The following MCPH1 variants were observed in gnomAD, a reference collection of about 807,000 sequenced individuals.
MCPH1 encodes microcephalin 1.
Under a neutral mutation model 84.5 loss-of-function variants are expected in MCPH1, and 104 were observed. The observed-to-expected ratio is 1.23, with a 90% CI of 1.05 to 1.45. The LOEUF (loss-of-function observed/expected upper bound fraction) is 1.45, where lower values mean the gene tolerates loss of function less well. Ranked by LOEUF, MCPH1 falls within the 40% of genes most tolerant of loss-of-function variation. The pLI, the probability that MCPH1 is intolerant of heterozygous loss-of-function variation, is 0.00. For missense variants in MCPH1, 1,498 were observed against 1,005.7 expected, an observed-to-expected ratio of 1.49 and a Z score of -6.62; for synonymous variants, 514 against 366.8, an observed-to-expected ratio of 1.40 and a Z score of -4.58.
At chr8:6,513,700 A>G in intron 12 of MCPH1, 1 of 1,611,734 alleles carries the variant, frequency 6.2e-7, no homozygotes, top group Non-Finnish European at 8.5e-7. Flanking sequence ...TCTTCACTTG[A>G]GAGATAGAAA....
intron 12 of MCPH1, among the ~76,000 whole-genome samples, chr8:6,506,989 C>A (rs572291577): frequency 3.3e-4 from 50 of 151,980 alleles, no homozygotes; most frequent in South Asian, 8.3e-4. Flanking sequence ...ACTCTGTCTC[C>A]CCGGTTCAAG....
intron 12 of MCPH1, among the ~76,000 whole-genome samples, chr8:6,533,820 C>T (rs1819995483): frequency 1.3e-5 from 2 of 152,064 alleles, no homozygotes; most frequent in South Asian, 4.2e-4. Context: ...TGATTTCCCC[C>T]AAAATGTTAA....
intron 3 of MCPH1, among the ~76,000 whole-genome samples, chr8:6,430,811 A>G (rs1025641099): frequency 2.6e-5 from 4 of 152,252 alleles, no homozygotes; most frequent in African/African-American, 9.6e-5. Flanking sequence ...TTAATATTTC[A>G]GGAATGTATG....
chr8:6,487,231 T>C (rs34748476), intron 11 of MCPH1, among the ~76,000 whole-genome samples: 18,491 of 152,298 alleles, frequency 0.12, 1,283 homozygotes, highest in Middle Eastern at 0.24. Context: ...GATAATCTAG[T>C]GTTTTCTTAA....
At chr8:6,475,064 T>A (rs1037912018) in intron 9 of MCPH1, among the ~76,000 whole-genome samples, 4 of 152,218 alleles carry the variant, frequency 2.6e-5, no homozygotes, top group Non-Finnish European at 5.9e-5. Flanking sequence ...AGATTCAATT[T>A]ATAGGTGTCT....
At chr8:6,477,657 C>T (rs1808658238) in intron 10 of MCPH1, 26 bp downstream of exon 10, 4 of 1,600,928 alleles carry the variant, frequency 2.5e-6, no homozygotes. Context: ...GATTTCTGTT[C>T]AATGTAAAAT....
chr8:6,523,801 C>G (rs921122789), intron 12 of MCPH1, among the ~76,000 whole-genome samples: 1 of 151,648 alleles, frequency 6.6e-6, no homozygotes, highest in African/African-American at 2.4e-5. Flanking sequence ...GTTGTCCAGG[C>G]TGGTCTCGAA....
At chr8:6,452,080 T>G (rs2129556508) in intron 8 of MCPH1, among the ~76,000 whole-genome samples, 1 of 152,338 alleles carries the variant, frequency 6.6e-6, no homozygotes, top group Middle Eastern at 3.4e-3. Flanking sequence ...TCTCCTACAG[T>G]CTTTTCATCG....
In MCPH1 at chr8:6,543,412, A is replaced by T. The variant is rs537600479; in HGVS notation, c.2214+43483A>T. On this transcript the variant is annotated intron_variant, in intron 12 of 13. Transcript: ENST00000344683. ...TCTCTGTGCTTTCCTGGGTTAGAGT[A>T]AATGGATGCAAACACACATTTCCGT... Among the ~76,000 whole-genome samples the T allele has an allele frequency of 4.6e-5, 7 of 152,284 alleles. No individual in the cohort carries two copies. The South Asian group carries it at 1.5e-3, about 32-fold the overall frequency.
At chr8:6,527,611 C>A (rs1278867459) in intron 12 of MCPH1, 10 of 1,613,720 alleles carry the variant, frequency 6.2e-6, no homozygotes, top group Non-Finnish European at 8.5e-6. Flanking sequence ...TCTGTTTTTC[C>A]AATTTGTTTG....
At chr8:6,593,663 T>C (rs186881571) in intron 12 of MCPH1, among the ~76,000 whole-genome samples, 123 of 152,292 alleles carry the variant, frequency 8.1e-4, no homozygotes, top group African/African-American at 2.7e-3. Flanking sequence ...CCAGACACCA[T>C]GTTTTTATGG....
At chr8:6,632,232 G>A in intron 13 of MCPH1, among the ~76,000 whole-genome samples, 1 of 152,178 alleles carries the variant, frequency 6.6e-6, no homozygotes, top group East Asian at 1.9e-4. Context: ...CTCAGTTTTG[G>A]ATAATGAGAA....
intron 9 of MCPH1, among the ~76,000 whole-genome samples, chr8:6,467,751 C>T (rs1240537807): frequency 4.6e-5 from 7 of 152,168 alleles, no homozygotes; most frequent in African/African-American, 1.7e-4. Context: ...CAGGTGCCAC[C>T]ATGCTCAGCT....
At chr8:6,623,719 C>T (rs199969726) in intron 13 of MCPH1, among the ~76,000 whole-genome samples, 1 of 7,080 alleles carries the variant, frequency 1.4e-4, no homozygotes, top group Admixed American at 1.2e-3. Context: ...AAAAAAAAAA[C>T]TATTGATTTT....
intron 12 of MCPH1, among the ~76,000 whole-genome samples, chr8:6,541,458 A>G (rs952414383): frequency 6.6e-6 from 1 of 152,102 alleles, no homozygotes; most frequent in South Asian, 2.1e-4. Context: ...TTTCTAGTAG[A>G]TTGGGGCAGG....
chr8:6,436,915 A>G (rs921672003), intron 5 of MCPH1, among the ~76,000 whole-genome samples: 5 of 152,046 alleles, frequency 3.3e-5, no homozygotes, highest in African/African-American at 1.2e-4. Flanking sequence ...GCTTGCAGTG[A>G]GCCGAGACTG....
chr8:6,639,713 C>G (rs138518320), intron 13 of MCPH1, among the ~76,000 whole-genome samples: 11 of 150,636 alleles, frequency 7.3e-5, no homozygotes, highest in Middle Eastern at 3.4e-3. Context: ...TATATAAACA[C>G]AGATATTGTT....
rs544565609 is a variant in MCPH1 at position 6,422,940 on chromosome 8, G to A, written c.233+8057G>A. On this transcript the variant is annotated intron_variant, in intron 3 of 13. Transcript: ENST00000344683. ...CCTGACCTTGTGATCCGCCCTCCTC[G>A]GTCTCCCAAAGTGCTAGGATTACAG... is the stretch of plus-strand genomic sequence containing the variant. Among the ~76,000 whole-genome samples the A allele has an allele frequency of 3.5e-3, 525 of 151,548 alleles. 2 individuals are homozygous for A. Among genetic ancestry groups the A allele is most frequent in the Non-Finnish European group, 6.6e-3 (451 of 67,924 alleles).
At chr8:6,430,027 C>G (rs563733106) in intron 3 of MCPH1, among the ~76,000 whole-genome samples, 1 of 152,328 alleles carries the variant, frequency 6.6e-6, no homozygotes, top group East Asian at 1.9e-4. Flanking sequence ...CAATGTCACC[C>G]TGTTTGCTGC....
Sources: gnomAD v4.1 joint callset for allele counts (sites outside exome capture counted in the v4.1 genomes callset) on GRCh38, gnomAD v4.1.1 for gene constraint, MANE v1.5 for transcripts, NCBI Gene and HGNC (gene_info 2026-07-23, HGNC 2026-07-21) for gene names.